AGTPBP1: variants seen among roughly 807,000 people sequenced by gnomAD.
AGTPBP1 encodes ATP/GTP binding carboxypeptidase 1.
In AGTPBP1, 70 loss-of-function variants were observed where a neutral mutation model predicts 143.9. The ratio of observed to expected loss-of-function variants is 0.49; its 90% CI spans 0.40 to 0.59. The LOEUF is 0.59. Ranked by LOEUF, AGTPBP1 falls within the 20% of genes least tolerant of loss-of-function variation. AGTPBP1 has a pLI of 0.00. For synonymous variants in AGTPBP1, 463 were observed against 500.2 expected (o/e 0.93, Z 0.99); for missense variants, 1,229 against 1,464.5 (o/e 0.84, Z 2.62).
At position 85,589,429 on chromosome 9, in the gene AGTPBP1, G is replaced by A. The variant is rs940084576; in HGVS notation, c.2722+99C>T. Reference sequence around the variant, plus strand: ...GCCAAGACTAGAGCCCAAGTCTTCTGATGTCTGTTCCTATTATCATTTCCA... The same window carrying A: ...GCCAAGACTAGAGCCCAAGTCTTCTAATGTCTGTTCCTATTATCATTTCCA... On this transcript the variant is annotated intron_variant, in intron 20 of 25. Coordinates refer to ENST00000357081, the MANE Select transcript of AGTPBP1 (RefSeq NM_001330701.2). 10 of 1,434,094 alleles carry A rather than the reference G, an allele frequency of 7.0e-6. No homozygotes were observed. The Admixed American group carries it at 9.9e-5, about 14-fold the overall frequency. 88.8% of individuals were successfully genotyped at this position (1,434,094 alleles called of 1,614,324 possible). A position where few individuals can be genotyped will look rare whatever the true frequency, so the allele number is the denominator to read the frequency against.
chr9:85,692,951 CTATAGCTTAA>C (rs1232901749), intron 2 of AGTPBP1, 138 bp from the exon 3 acceptor site: 3 of 915,772 alleles, frequency 3.3e-6, no homozygotes, highest in African/African-American at 3.4e-5. Flanking sequence ...TTACTCTGTT[CTATAGCTTAA>C]TATAGCTTAA....
At chr9:85,677,400 T>C (rs1262410789) in intron 6 of AGTPBP1, 36 bp downstream of exon 6, 10 of 1,580,662 alleles carry the variant, frequency 6.3e-6, no homozygotes, top group Non-Finnish European at 8.6e-6. Flanking sequence ...CAAAAATAGT[T>C]CTAGATACAA....
upstream of AGTPBP1, among the ~76,000 whole-genome samples, chr9:85,746,233 G>GCCTCA (rs1296743802): frequency 6.6e-5 from 10 of 152,066 alleles, no homozygotes; most frequent in East Asian, 1.9e-3. Flanking sequence ...GCGATCCACT[G>GCCTCA]CCTCACCCCC....
At chr9:85,700,410 C>A (rs931532954) in intron 2 of AGTPBP1, among the ~76,000 whole-genome samples, 1 of 152,154 alleles carries the variant, frequency 6.6e-6, no homozygotes, top group Admixed American at 6.5e-5. Context: ...AAATGGTGCA[C>A]TAGCTCTTAA....
intron 11 of AGTPBP1, among the ~76,000 whole-genome samples, chr9:85,648,811 CA>C (rs1426942475): frequency 6.7e-6 from 1 of 150,320 alleles, no homozygotes; most frequent in Admixed American, 6.6e-5. Context: ...GACTCCGTCT[CA>C]AAAAAAAGAG....
At chr9:85,594,742 C>T (rs1351953811) in intron 18 of AGTPBP1, among the ~76,000 whole-genome samples, 1 of 152,076 alleles carries the variant, frequency 6.6e-6, no homozygotes, top group Non-Finnish European at 1.5e-5. Flanking sequence ...AAAGACAGAA[C>T]CTAAATTAAA....
chr9:85,678,439 T>C (rs1330490972), intron 4 of AGTPBP1, 41 bp from the exon 5 acceptor site: 5 of 1,372,722 alleles, frequency 3.6e-6, no homozygotes, highest in Admixed American at 4.2e-5. Flanking sequence ...TTGTAAACTT[T>C]TGATTCCCAG....
intron 2 of AGTPBP1, among the ~76,000 whole-genome samples, chr9:85,696,152 A>G (rs1377143198): frequency 6.6e-6 from 1 of 152,132 alleles, no homozygotes; most frequent in Non-Finnish European, 1.5e-5. Flanking sequence ...TTTGCCAGAC[A>G]TTCTCTTTTC....
chr9:85,655,283 T>C lies in AGTPBP1; in HGVS notation c.947A>G (p.Asn316Ser), dbSNP rs1587837008. Reference sequence around the variant, plus strand: ...CTTCCTCATTATCAGACTGGAGGTATTGACAAGAGGATCCAGAGTCCTGAC... The same window carrying C: ...CTTCCTCATTATCAGACTGGAGGTACTGACAAGAGGATCCAGAGTCCTGAC... ...LAVRTLDPLV[N>S]TSSLIMRKCF... Residue 316 changes from asparagine to serine, a missense_variant, in exon 11 of 26, where the codon AAT (asparagine) becomes AGT (serine). Coordinates refer to ENST00000357081, the MANE Select transcript of AGTPBP1 (RefSeq NM_001330701.2). The C allele has an allele frequency of 6.4e-7, 1 of 1,564,868 alleles. No homozygotes were observed. The highest frequency in any genetic ancestry group is 1.9e-5 in the Admixed American group (1 of 52,502).
At chr9:85,790,659 G>C in the AGTPBP1 span, among the ~76,000 whole-genome samples, 1 of 152,080 alleles carries the variant, frequency 6.6e-6, no homozygotes, top group Non-Finnish European at 1.5e-5. Context: ...TTTCTGCAAT[G>C]AGTCAACAGA....
At chr9:85,717,607 T>A (rs1286930169) in intron 1 of AGTPBP1, among the ~76,000 whole-genome samples, 1 of 151,956 alleles carries the variant, frequency 6.6e-6, no homozygotes, top group Non-Finnish European at 1.5e-5. Context: ...AGTGACAATA[T>A]GAGAAGTTAG....
At position 85,655,130 on chromosome 9, in the gene AGTPBP1, C is replaced by T; in HGVS notation, c.1087+13G>A. The T allele has an allele frequency of 6.3e-7, 1 of 1,597,190 alleles. No individual in the cohort carries two copies. The highest frequency in any genetic ancestry group is 8.5e-7 in the Non-Finnish European group (1 of 1,172,594). On this transcript the variant is annotated intron_variant, in intron 11 of 25. Transcript: ENST00000357081. ...AGAACCCACAAAAAGCAGCAGTGAC[C>T]CTGTGATCCTACCTTCAGGAGGTAA...
chr9:85,799,614 C>T, the AGTPBP1 span, among the ~76,000 whole-genome samples: 1 of 152,122 alleles, frequency 6.6e-6, no homozygotes, highest in Non-Finnish European at 1.5e-5. Flanking sequence ...ACTCCTGGCT[C>T]AAATTATCCT....
chr9:85,769,444 A>G, the AGTPBP1 span, among the ~76,000 whole-genome samples: 1 of 150,676 alleles, frequency 6.6e-6, no homozygotes, highest in Non-Finnish European at 1.5e-5. Context: ...CCAGCTACTC[A>G]GGAGGGCAAG....
In AGTPBP1 at chr9:85,597,949, G is replaced by A. The variant is rs915695608; in HGVS notation, c.2336-1500C>T. The stretch of plus-strand genomic sequence containing the variant: ...TTCAATTTACTTTTACCAAGTATTG[G>A]TAAGATTATACTAGCTTCAGAAAAC... On this transcript the variant is annotated intron_variant, in intron 17 of 25. Coordinates refer to ENST00000357081, the MANE Select transcript of AGTPBP1 (RefSeq NM_001330701.2). Among the ~76,000 whole-genome samples the A allele has an allele frequency of 2.0e-5, 3 of 152,014 alleles. No homozygotes were observed. The South Asian group carries it at 6.2e-4, about 32-fold the overall frequency.
intron 17 of AGTPBP1, among the ~76,000 whole-genome samples, chr9:85,617,639 T>C (rs924579334): frequency 3.9e-5 from 6 of 152,040 alleles, no homozygotes; most frequent in African/African-American, 1.4e-4. Context: ...AACGGTCTCA[T>C]GAGACAAATA....
chr9:85,625,823 T>G (rs1831241546), intron 14 of AGTPBP1, among the ~76,000 whole-genome samples: 1 of 150,624 alleles, frequency 6.6e-6, no homozygotes, highest in Admixed American at 6.6e-5. Context: ...AGGCAGAGGT[T>G]GCAGTGAGCC....
Position 85,621,186 on chromosome 9 carries a change from T to C in AGTPBP1, c.2099+16A>G. Reference sequence around the variant, plus strand: ...AAACTTAAAACTAATAAAAGTTCATTAAAATCAAGACTTACTTTGGGTTAT... The same window carrying C: ...AAACTTAAAACTAATAAAAGTTCATCAAAATCAAGACTTACTTTGGGTTAT... On this transcript the variant is annotated intron_variant, in intron 15 of 25. Coordinates refer to ENST00000357081, the MANE Select transcript of AGTPBP1 (RefSeq NM_001330701.2). 7.2e-7 allele frequency: 1 copy of C among 1,389,562 alleles called. No individual in the cohort carries two copies. 86.1% of individuals were successfully genotyped at this position (1,389,562 alleles called of 1,614,324 possible). A position where few individuals can be genotyped will look rare whatever the true frequency, so the allele number is the denominator to read the frequency against.
rs932038928 is a variant in AGTPBP1 at position 85,697,674 on chromosome 9, G to A, written c.33-4861C>T. Among the ~76,000 whole-genome samples the A allele has an allele frequency of 4.6e-5, 7 of 151,600 alleles. No individual in the cohort carries two copies. In the South Asian group the frequency reaches 6.2e-4, roughly 14 times the overall value. ...TCACTGTGTTAGCCAGGATGTTCTC[G>A]ATCTCCTGACCTCGTGATCCGCCCG... On this transcript the variant is annotated intron_variant, in intron 2 of 25. Coordinates refer to ENST00000357081, the MANE Select transcript of AGTPBP1 (RefSeq NM_001330701.2).
Sources: gnomAD v4.1 joint callset for allele counts (sites outside exome capture counted in the v4.1 genomes callset) on GRCh38, gnomAD v4.1.1 for gene constraint, MANE v1.5 for transcripts, NCBI Gene and HGNC (gene_info 2026-07-23, HGNC 2026-07-21) for gene names.